The following TMEM131 variants were observed in gnomAD, a reference collection of about 807,000 sequenced individuals.
TMEM131 encodes the protein 2610524E03Rik.
Under a neutral mutation model 211.6 loss-of-function variants are expected in TMEM131, and 66 were observed. The ratio of observed to expected loss-of-function variants is 0.31; its 90% CI spans 0.26 to 0.38. TMEM131 has a LOEUF of 0.38. Ranked by LOEUF, TMEM131 falls within the 10% of genes least tolerant of loss-of-function variation. TMEM131 has a pLI of 1.00. For missense variants in TMEM131, 2,036 were observed against 2,299.3 expected (o/e 0.89, Z 2.34); for synonymous variants, 844 against 841.3 (o/e 1.00, Z -0.06).
Position 97,814,310 on chromosome 2 carries a change from G to A in TMEM131, c.1371C>T (p.Tyr457=). The part of the protein sequence containing the change: ...SPADPVERPI[Y]LTNTFSFAIL... ...TCGCAAAACTGAAAGTGTTAGTAAG[G>A]TAAATTGGCCTTTCCACAGGATCAG... The change falls in exon 14 of 41, where the codon TAC becomes TAT. Residue 457 remains tyrosine, a synonymous_variant. Coordinates refer to ENST00000186436, the MANE Select transcript of TMEM131 (RefSeq NM_015348.2). The A allele has an allele frequency of 6.2e-7, 1 of 1,613,810 alleles. No individual in the cohort carries two copies. The highest frequency in any genetic ancestry group is 8.5e-7 in the Non-Finnish European group (1 of 1,179,832).
At chr2:97,836,771 T>C (rs775258393) in intron 8 of TMEM131, among the ~76,000 whole-genome samples, 9 of 152,190 alleles carry the variant, frequency 5.9e-5, no homozygotes, top group Admixed American at 5.2e-4. Context: ...AAGCACATCA[T>C]AAATTATCAG....
chr2:97,886,381 G>A (rs1043241510), intron 4 of TMEM131, among the ~76,000 whole-genome samples: 2 of 152,108 alleles, frequency 1.3e-5, no homozygotes, highest in Non-Finnish European at 2.9e-5. Context: ...TGGTAGAAAA[G>A]TCATTTCTTC....
intron 7 of TMEM131, among the ~76,000 whole-genome samples, chr2:97,839,350 ACCAACCAACC>A (rs1241162095): frequency 1.3e-5 from 2 of 151,848 alleles, no homozygotes; most frequent in Non-Finnish European, 2.9e-5. Context: ...CAACCAACCA[ACCAACCAACC>A]AAAAAAACCC....
chr2:97,766,682 CTACAA>C, intron 33 of TMEM131, 80 bp from the exon 34 acceptor site: 1 of 1,534,108 alleles, frequency 6.5e-7, no homozygotes, highest in East Asian at 2.3e-5. Context: ...TGTAATTCTT[CTACAA>C]TACAACTGCA....
At chr2:97,759,771 C>T (rs375725316) in intron 38 of TMEM131, 22 bp from the exon 39 acceptor site, 12 of 1,582,528 alleles carry the variant, frequency 7.6e-6, no homozygotes, top group Admixed American at 3.5e-5. Context: ...AAGAGGAAAA[C>T]GCAACACACA....
intron 10 of TMEM131, among the ~76,000 whole-genome samples, chr2:97,834,064 T>C (rs910357908): frequency 6.6e-6 from 1 of 152,236 alleles, no homozygotes; most frequent in African/African-American, 2.4e-5. Context: ...AAAAATATAC[T>C]AACAGCAAAT....
intron 3 of TMEM131, 76 bp from the exon 4 acceptor site, chr2:97,888,196 G>A (rs1251260007): frequency 1.6e-6 from 2 of 1,262,640 alleles, no homozygotes; most frequent in Non-Finnish European, 2.2e-6. Flanking sequence ...TCAGACAGCT[G>A]ACTTTTGTCA....
chr2:97,838,475 C>T (rs941591272), intron 7 of TMEM131, among the ~76,000 whole-genome samples: 7 of 118,808 alleles, frequency 5.9e-5, no homozygotes, highest in African/African-American at 6.5e-5. Flanking sequence ...GACGGAGTCT[C>T]GCCCTGTCGC....
At chr2:97,922,409 A>C (rs908611499) in intron 2 of TMEM131, among the ~76,000 whole-genome samples, 3 of 152,202 alleles carry the variant, frequency 2.0e-5, no homozygotes, top group Non-Finnish European at 4.4e-5. Context: ...TTGAACACAT[A>C]TATTATGTTC....
intron 1 of TMEM131, among the ~76,000 whole-genome samples, chr2:97,983,735 TA>T (rs1679905253): frequency 6.6e-6 from 1 of 152,216 alleles, no homozygotes; most frequent in African/African-American, 2.4e-5. Flanking sequence ...TGCCTTTCCT[TA>T]AAACAGTTTC....
At chr2:97,786,279 G>C (rs1222797209) in intron 31 of TMEM131, among the ~76,000 whole-genome samples, 1 of 152,202 alleles carries the variant, frequency 6.6e-6, no homozygotes, top group African/African-American at 2.4e-5. Flanking sequence ...ATACGATGTG[G>C]CTCACACTTG....
intron 4 of TMEM131, among the ~76,000 whole-genome samples, chr2:97,876,390 G>C (rs1461178832): frequency 2.6e-5 from 4 of 152,204 alleles, no homozygotes; most frequent in Non-Finnish European, 5.9e-5. Context: ...AAACCTGGCA[G>C]AGACATAACA....
intron 31 of TMEM131, among the ~76,000 whole-genome samples, chr2:97,779,264 G>A (rs989310552): frequency 6.6e-6 from 1 of 152,190 alleles, no homozygotes; most frequent in African/African-American, 2.4e-5. Context: ...AAGTTCAAAT[G>A]TTAGTGGGAG....
chr2:97,791,455 G>A (rs886251739), intron 31 of TMEM131, among the ~76,000 whole-genome samples: 2 of 152,178 alleles, frequency 1.3e-5, no homozygotes, highest in African/African-American at 2.4e-5. Flanking sequence ...GCTGTGACCC[G>A]CTCTGTGGAG....
At chr2:97,962,212 A>T (rs1678848137) in intron 1 of TMEM131, among the ~76,000 whole-genome samples, 1 of 152,206 alleles carries the variant, frequency 6.6e-6, no homozygotes, top group Non-Finnish European at 1.5e-5. Flanking sequence ...TGCTTAAAAA[A>T]TGAAAAGGCT....
At chr2:97,791,594 T>C (rs1405638758) in intron 31 of TMEM131, among the ~76,000 whole-genome samples, 1 of 152,200 alleles carries the variant, frequency 6.6e-6, no homozygotes, top group Non-Finnish European at 1.5e-5. Flanking sequence ...CACCTTCAGT[T>C]GAACCTTAAG....
intron 4 of TMEM131, among the ~76,000 whole-genome samples, chr2:97,862,488 TAG>T (rs529023383): frequency 2.0e-4 from 31 of 151,770 alleles, no homozygotes; most frequent in Non-Finnish European, 3.7e-4. Flanking sequence ...CAAGATAACA[TAG>T]AGAAGGAATT....
intron 3 of TMEM131, among the ~76,000 whole-genome samples, chr2:97,905,517 G>C (rs1359971816): frequency 6.6e-6 from 1 of 152,080 alleles, no homozygotes; most frequent in Non-Finnish European, 1.5e-5. Flanking sequence ...TAGACTGCTT[G>C]CTACTACTGT....
At chr2:97,949,170 G>C (rs772863865) in intron 1 of TMEM131, among the ~76,000 whole-genome samples, 33 of 152,110 alleles carry the variant, frequency 2.2e-4, no homozygotes, top group Non-Finnish European at 2.2e-4. Flanking sequence ...CAACACAGTG[G>C]AATACTATGC....
Sources: gnomAD v4.1 joint callset for allele counts (sites outside exome capture counted in the v4.1 genomes callset) on GRCh38, gnomAD v4.1.1 for gene constraint, MANE v1.5 for transcripts, NCBI Gene and HGNC (gene_info 2026-07-23, HGNC 2026-07-21) for gene names.